The following CMTM1 variants were observed in gnomAD, a reference collection of about 807,000 sequenced individuals.
CMTM1 encodes CKLF-like MARVEL transmembrane domain-containing protein 1.
CMTM1 carries 16 observed loss-of-function variants against 17.8 expected under a neutral mutation model. The observed-to-expected ratio is 0.90, with a 90% confidence interval of 0.61 to 1.37. The LOEUF (loss-of-function observed/expected upper bound fraction) is 1.37, where lower values mean the gene tolerates loss of function less well. CMTM1 is among the 40% of genes most tolerant of loss of function. The pLI, the probability that CMTM1 is intolerant of heterozygous loss-of-function variation, is 0.00. For synonymous variants in CMTM1, 169 were observed against 154.6 expected, an observed-to-expected ratio of 1.09 and a Z score of -0.69; for missense variants, 354 against 375.6, an observed-to-expected ratio of 0.94 and a Z score of 0.47.
chr16:66,572,694 C>T (rs1196003791), intron 2 of CMTM1, among the ~76,000 whole-genome samples: 2 of 152,154 alleles, frequency 1.3e-5, no homozygotes, highest in South Asian at 2.1e-4. Flanking sequence ...ATGCAGCTAC[C>T]ACTTCCTTTC....
At chr16:66,573,683 CTTTTTTTTTTTT>C (rs954623005) in intron 2 of CMTM1, among the ~76,000 whole-genome samples, 1 of 117,650 alleles carries the variant, frequency 8.5e-6, no homozygotes, top group Admixed American at 9.1e-5. Context: ...TAACGTTTTT[CTTTTTTTTTTTT>C]TTTTTTTTTG....
Position 66,566,798 on chromosome 16 carries a change from G to T in CMTM1, c.285G>T (p.Thr95=), listed in dbSNP as rs750222024. 1.9e-6 allele frequency: 3 copies of T among 1,612,400 alleles called. No individual in the cohort carries two copies. Among genetic ancestry groups the T allele is most frequent in the Non-Finnish European group, 1.7e-6 (2 of 1,179,264 alleles). Residue 95 remains threonine, a synonymous_variant, in exon 1 of 4, where the codon ACG becomes ACT. Transcript: ENST00000379500. This position sits in a 1 kb window ranked among gnomAD's most constrained non-coding sequence, Gnocchi z 4.9. ...CAAAGCCCACACTCCCACCCCCCAC[G>T]CCCTCTGCACACACTGAATCCAAAC... ...PPPKPTLPPP[T]PSAHTESKLL...
At chr16:66,575,239 T>G (rs1253637142) in intron 2 of CMTM1, 2 of 984,084 alleles carry the variant, frequency 2.0e-6, no homozygotes, top group Non-Finnish European at 2.4e-6. Context: ...AGGGCAGATA[T>G]GAACCTACAT....
At chr16:66,567,410 G>C (rs776589768) in intron 1 of CMTM1, 1 of 254,838 alleles carries the variant, frequency 3.9e-6, no homozygotes, top group Non-Finnish European at 7.7e-6. Context: ...TGCAGTGTTT[G>C]GTTTTCTGTT....
chr16:66,576,473 G>A (rs565288442), intron 2 of CMTM1, among the ~76,000 whole-genome samples: 3 of 151,982 alleles, frequency 2.0e-5, no homozygotes, highest in East Asian at 3.9e-4. Flanking sequence ...TGCAGATGTC[G>A]GGGCACACCC....
In CMTM1 at chr16:66,566,652, A is replaced by G. The variant is rs1462153188; in HGVS notation, c.139A>G (p.Lys47Glu). ...CAAGGCACAGCGCAACATCTCAGCG[A>G]AGACCGCACCCCGGAAGCACCCCGC... ...VPKAQRNISA[K>E]TAPRKHPAVS... The change falls in exon 1 of 4, where the codon AAG becomes GAG. Residue 47 changes from lysine to glutamate, a missense_variant. Transcript: ENST00000379500. This position sits in a 1 kb window ranked among gnomAD's most constrained non-coding sequence, Gnocchi z 4.9. The G allele has an allele frequency of 6.2e-7, 1 of 1,614,046 alleles. No homozygotes were observed. Among genetic ancestry groups the G allele is most frequent in the Admixed American group, 1.7e-5 (1 of 60,002 alleles).
In CMTM1 at chr16:66,571,691, T is replaced by C. The variant is rs180772873; in HGVS notation, c.591+1597T>C. On this transcript the variant is annotated intron_variant, in intron 2 of 3. Transcript: ENST00000379500. Reference sequence around the variant, plus strand: ...GGTGAATTGGTTATCCTGGTGGGTGTACACAGGCCCTTGGGGGTGGGTGAC... The same window carrying C: ...GGTGAATTGGTTATCCTGGTGGGTGCACACAGGCCCTTGGGGGTGGGTGAC... Among the ~76,000 whole-genome samples, 5 of 152,314 alleles carry C rather than the reference T, an allele frequency of 3.3e-5. No homozygotes were observed. In the East Asian group the frequency reaches 9.6e-4, roughly 29 times the overall value.
At chr16:66,574,874 C>T in intron 2 of CMTM1, 2 of 803,620 alleles carry the variant, frequency 2.5e-6, no homozygotes, top group African/African-American at 1.9e-5. Flanking sequence ...GAAGTTTATA[C>T]TCTGCTTCTC....
chr16:66,575,195 G>A, intron 2 of CMTM1: 1 of 985,406 alleles, frequency 1.0e-6, no homozygotes, highest in Non-Finnish European at 1.2e-6. Flanking sequence ...AACATCTGGA[G>A]TTTGCAGAGA....
chr16:66,572,010 C>A (rs974890740), intron 2 of CMTM1, among the ~76,000 whole-genome samples: 1 of 152,214 alleles, frequency 6.6e-6, no homozygotes, highest in African/African-American at 2.4e-5. Flanking sequence ...TAAAGCCAGG[C>A]CCCCTTGCTG....
At position 66,578,603 on chromosome 16, in the gene CMTM1, G is replaced by A. The variant is rs554091434; in HGVS notation, c.691-228G>A. The stretch of plus-strand genomic sequence containing the variant: ...CCGGGTGCCTCAGACATCAAGCGAG[G>A]CTACTACTGGCAACAAAATCCCCCA... On this transcript the variant is annotated intron_variant, in intron 3 of 3. Coordinates refer to ENST00000379500, the MANE Select transcript of CMTM1 (RefSeq NM_052999.4). 2.6e-5 allele frequency among the ~76,000 whole-genome samples: 4 copies of A among 152,260 alleles called. No individual in the cohort carries two copies. The East Asian group carries it at 7.7e-4, about 29-fold the overall frequency.
intron 1 of CMTM1, 141 bp from the exon 2 acceptor site, chr16:66,569,795 T>G (rs1442704643): frequency 1.7e-6 from 1 of 580,396 alleles, no homozygotes; most frequent in African/African-American, 1.9e-5. Flanking sequence ...GTATTTCATT[T>G]CTTCAAAATG....
rs1465062509 is a variant in CMTM1 at position 66,578,946 on chromosome 16, C to T, written c.806C>T (p.Pro269Leu). Residue 269 changes from proline (P) to leucine (L), a missense_variant, in exon 4 of 4, where the codon CCC becomes CTC. Pro to Leu is a moderately conservative substitution (Grantham distance 98, BLOSUM62 -3). Coordinates refer to ENST00000379500, the MANE Select transcript of CMTM1 (RefSeq NM_052999.4). ...LGVEVERKLS[P>L]AKDAYPETGP... ...GTCGAAGTTGAAAGGAAGCTTTCCC[C>T]CGCCAAGGACGCCTACCCCGAAACC... is the stretch of plus-strand genomic sequence containing the variant. 6.2e-7 allele frequency: 1 copy of T among 1,614,192 alleles called. No individual in the cohort carries two copies. Among genetic ancestry groups the T allele is most frequent in the Admixed American group, 1.7e-5 (1 of 60,026 alleles).
intron 1 of CMTM1, among the ~76,000 whole-genome samples, chr16:66,568,613 G>T (rs926620855): frequency 6.6e-6 from 1 of 152,104 alleles, no homozygotes; most frequent in South Asian, 2.1e-4. Context: ...GTGGCCAGGC[G>T]CAGTGACTCA....
In CMTM1 at chr16:66,579,053, G is replaced by C; in HGVS notation, c.*52G>C. The stretch of plus-strand genomic sequence containing the variant: ...ACGTGTCTGTCGAATCGCTGCCTCC[G>C]AGCCCACCCCCGAGCTCGCATGCTG... On this transcript the variant is annotated 3_prime_UTR_variant, in exon 4 of 4. Coordinates refer to ENST00000379500, the MANE Select transcript of CMTM1 (RefSeq NM_052999.4). The surrounding 1 kb of genome is among the most constrained non-coding windows in gnomAD (Gnocchi z 6.5). 1 of 1,592,042 alleles carries C rather than the reference G, an allele frequency of 6.3e-7. No individual in the cohort carries two copies. Among genetic ancestry groups the C allele is most frequent in the Non-Finnish European group, 8.5e-7 (1 of 1,170,984 alleles).
Position 66,575,117 on chromosome 16 carries a change from T to C in CMTM1, c.592-1987T>C, listed in dbSNP as rs932751574. ...TACCAGGCACCAAAACAGTAGGCAT[T>C]AGTGCCTTTCCAAGAGGCAAGTCAC... On this transcript the variant is annotated intron_variant, in intron 2 of 3. Transcript: ENST00000379500. 6.1e-6 allele frequency: 6 copies of C among 985,342 alleles called. No homozygotes were observed. The South Asian group carries it at 1.4e-4, about 23-fold the overall frequency. The allele number at this position is 985,342 out of a possible 1,614,324, so 61.0% of individuals were successfully genotyped here. A position where few individuals can be genotyped will look rare whatever the true frequency, so the allele number is the denominator to read the frequency against.
chr16:66,577,121 C>T lies in CMTM1; in HGVS notation c.609C>T (p.Ile203=), dbSNP rs373007977. Residue 203 remains isoleucine, a synonymous_variant, in exon 3 of 4, where the codon ATC becomes ATT. Transcript: ENST00000379500. ...HWPLLDLTNS[I]ITAVFLSVVA... ...TATTACAGGATCTTACCAACAGTAT[C>T]ATTACAGCTGTGTTCCTTTCAGTAG... 188 of 1,613,370 alleles carry T rather than the reference C, an allele frequency of 1.2e-4. No homozygotes were observed. The highest frequency in any genetic ancestry group is 1.6e-4 in the Middle Eastern group (1 of 6,080).
intron 3 of CMTM1, 21 bp downstream of exon 3, chr16:66,577,223 C>G: frequency 6.3e-7 from 1 of 1,587,924 alleles, no homozygotes; most frequent in Non-Finnish European, 8.6e-7. Context: ...GCCTTCATGA[C>G]TCCATTTAAG....
intron 1 of CMTM1, among the ~76,000 whole-genome samples, chr16:66,568,883 CA>C (rs60488761): frequency 0.085 from 9,251 of 108,722 alleles, 401 homozygotes; most frequent in Admixed American, 0.16. Flanking sequence ...AAGACTGTCT[CA>C]AAAAAAAAAA....
Sources: allele counts gnomAD v4.1 joint callset (sites outside exome capture counted in the v4.1 genomes callset), GRCh38; gene constraint gnomAD v4.1.1; non-coding constraint Gnocchi (gnomAD v3.1); transcripts MANE v1.5; gene names NCBI Gene and HGNC (gene_info 2026-07-23, HGNC 2026-07-21).